Variants in CADPS2 observed in about 807,000 individuals in gnomAD.
CADPS2 encodes the protein calcium-dependent secretion activator 2.
In CADPS2, 93 loss-of-function variants were observed where a neutral mutation model predicts 172.5. That is an observed-to-expected ratio of 0.54 (90% CI 0.46 to 0.64). The LOEUF is 0.64. Among genes scored for constraint, CADPS2 ranks in the 30% least tolerant of loss-of-function variants. The pLI is 0.00. For synonymous variants in CADPS2, 546 were observed against 555.2 expected, an observed-to-expected ratio of 0.98 and a Z score of 0.23; for missense variants, 1,420 against 1,565.9, an observed-to-expected ratio of 0.91 and a Z score of 1.57.
At chr7:122,775,307 T>C (rs1036740466) in intron 1 of CADPS2, among the ~76,000 whole-genome samples, 1 of 152,230 alleles carries the variant, frequency 6.6e-6, no homozygotes. Flanking sequence ...ATGAGGCTCC[T>C]GGGTCAGAGA....
intron 4 of CADPS2, among the ~76,000 whole-genome samples, chr7:122,622,845 T>C (rs1474067592): frequency 1.3e-5 from 2 of 152,132 alleles, no homozygotes; most frequent in Non-Finnish European, 2.9e-5. Context: ...AATCTGCATG[T>C]GTAGTACAAT....
chr7:122,409,136 A>G (rs2047009744), intron 19 of CADPS2, among the ~76,000 whole-genome samples: 1 of 152,242 alleles, frequency 6.6e-6, no homozygotes, highest in Admixed American at 6.5e-5. Context: ...AAATGGGTAT[A>G]TGACCTAACG....
chr7:122,647,614 T>A (rs531850119), intron 3 of CADPS2, among the ~76,000 whole-genome samples: 3 of 152,206 alleles, frequency 2.0e-5, no homozygotes, highest in Admixed American at 6.5e-5. Flanking sequence ...AACTTTTTTC[T>A]AGTTTAAAGC....
At chr7:122,551,174 A>C (rs569947918) in intron 8 of CADPS2, among the ~76,000 whole-genome samples, 1 of 152,186 alleles carries the variant, frequency 6.6e-6, no homozygotes, top group East Asian at 1.9e-4. Context: ...ACTAAACACC[A>C]TTTATTTCAT....
At chr7:122,510,151 C>A (rs2059910992) in intron 9 of CADPS2, among the ~76,000 whole-genome samples, 1 of 151,890 alleles carries the variant, frequency 6.6e-6, no homozygotes, top group Non-Finnish European at 1.5e-5. Flanking sequence ...AAACACTGAG[C>A]AAGCACAAGA....
intron 7 of CADPS2, 73 bp from the exon 8 acceptor site, chr7:122,554,762 T>G (rs1587221490): frequency 7.7e-7 from 1 of 1,302,548 alleles, no homozygotes; most frequent in East Asian, 2.7e-5. Context: ...AAATATTTTC[T>G]ATGTTTTCCT....
intron 3 of CADPS2, among the ~76,000 whole-genome samples, chr7:122,639,099 G>A (rs1475297056): frequency 6.6e-6 from 1 of 152,142 alleles, no homozygotes; most frequent in Non-Finnish European, 1.5e-5. Context: ...CAAGCAACAT[G>A]TTTACCAAAA....
At position 122,672,716 on chromosome 7, in the gene CADPS2, T is replaced by C. The variant is rs534095696; in HGVS notation, c.454-9147A>G. Among the ~76,000 whole-genome samples the C allele has an allele frequency of 3.3e-5, 5 of 152,316 alleles. No homozygotes were observed. The South Asian group carries it at 1.0e-3, about 32-fold the overall frequency. On this transcript the variant is annotated intron_variant, in intron 2 of 29. Transcript: ENST00000449022. ...GGCAGCCAGATGTCCTGCTGGTTGC[T>C]GGCCAACACCTGTGGAATTATCGAC...
intron 25 of CADPS2, among the ~76,000 whole-genome samples, chr7:122,370,708 C>T (rs2041660952): frequency 6.6e-6 from 1 of 152,112 alleles, no homozygotes; most frequent in African/African-American, 2.4e-5. Flanking sequence ...CAAACCAAGA[C>T]TTTTCTAGTT....
intron 7 of CADPS2, among the ~76,000 whole-genome samples, chr7:122,574,642 GA>G (rs992645645): frequency 2.7e-4 from 38 of 139,972 alleles, no homozygotes; most frequent in African/African-American, 5.8e-4. Context: ...TGATTTAAAA[GA>G]AAAAAAAAAC....
At chr7:122,429,787 C>A (rs1182952493) in intron 17 of CADPS2, among the ~76,000 whole-genome samples, 1 of 152,002 alleles carries the variant, frequency 6.6e-6, no homozygotes, top group Admixed American at 6.6e-5. Context: ...TAAGGAGCCA[C>A]ATAAAACTTT....
At chr7:122,403,555 G>T (rs999648415) in intron 20 of CADPS2, among the ~76,000 whole-genome samples, 1 of 151,940 alleles carries the variant, frequency 6.6e-6, no homozygotes, top group African/African-American at 2.4e-5. Flanking sequence ...AATCAGGAGA[G>T]AAATATAAAA....
chr7:122,375,721 T>C (rs2042260729), intron 25 of CADPS2, among the ~76,000 whole-genome samples: 1 of 152,008 alleles, frequency 6.6e-6, no homozygotes, highest in South Asian at 2.1e-4. Flanking sequence ...TTCTTGGCTA[T>C]GATACAAAAA....
At chr7:122,800,527 G>A (rs1435663633) in intron 1 of CADPS2, among the ~76,000 whole-genome samples, 1 of 152,164 alleles carries the variant, frequency 6.6e-6, no homozygotes, top group Admixed American at 6.6e-5. Flanking sequence ...GTAGATGTAG[G>A]TTGGGGGCTG....
intron 2 of CADPS2, among the ~76,000 whole-genome samples, chr7:122,668,395 G>C (rs1270417409): frequency 2.1e-5 from 2 of 94,280 alleles, no homozygotes; most frequent in African/African-American, 4.9e-5. Context: ...TGGAGACAAA[G>C]TATGGTTAAA....
intron 1 of CADPS2, among the ~76,000 whole-genome samples, chr7:122,799,516 T>C (rs545104906): frequency 4.3e-4 from 63 of 146,638 alleles, no homozygotes; most frequent in African/African-American, 1.5e-3. Flanking sequence ...GGCGGGAGAA[T>C]GGCGTGAACC....
intron 1 of CADPS2, among the ~76,000 whole-genome samples, chr7:122,838,431 C>A (rs998310085): frequency 6.6e-6 from 1 of 152,022 alleles, no homozygotes; most frequent in African/African-American, 2.4e-5. Context: ...CTGGCCAGGG[C>A]AATTAGGCAG....
chr7:122,355,824 T>C (rs914799420), intron 27 of CADPS2, among the ~76,000 whole-genome samples: 1 of 152,152 alleles, frequency 6.6e-6, no homozygotes, highest in Non-Finnish European at 1.5e-5. Context: ...TGGGGCCACT[T>C]AAGTAATGCC....
At chr7:122,625,304 C>T (rs2075983915) in intron 4 of CADPS2, among the ~76,000 whole-genome samples, 1 of 152,192 alleles carries the variant, frequency 6.6e-6, no homozygotes, top group Non-Finnish European at 1.5e-5. Flanking sequence ...CCCGCCTCAG[C>T]CTCCCAAACT....
Sources: gnomAD v4.1 joint callset for allele counts (sites outside exome capture counted in the v4.1 genomes callset) on GRCh38, gnomAD v4.1.1 for gene constraint, MANE v1.5 for transcripts, NCBI Gene and HGNC (gene_info 2026-07-23, HGNC 2026-07-21) for gene names.